The following SEPTIN14 variants were observed in gnomAD, a reference collection of about 807,000 sequenced individuals.
SEPTIN14 encodes the protein septin-14.
A neutral mutation model predicts 53.6 loss-of-function variants in SEPTIN14; 40 were observed. That is an observed-to-expected ratio of 0.75 (90% confidence interval 0.58 to 0.97). The LOEUF is 0.97. Among genes scored for constraint, SEPTIN14 ranks in the 50% least tolerant of loss-of-function variants. The pLI is 0.00. For synonymous variants in SEPTIN14, 138 were observed against 166.8 expected (o/e 0.83, Z 1.33); for missense variants, 471 against 508.2 (o/e 0.93, Z 0.70).
chr7:55,819,315 C>T lies in SEPTIN14; in HGVS notation c.721-92G>A, dbSNP rs761458827. ...TCCTGTTATAAAAATGACAGGCCAG[C>T]GCGGTGGCTCATGCCTGTAATCCCA... On this transcript the variant is annotated intron_variant, in intron 6 of 9. Coordinates refer to ENST00000388975, the MANE Select transcript of SEPTIN14 (RefSeq NM_207366.3). 5.6e-5 allele frequency: 53 copies of T among 947,960 alleles called. 1 individual carries two copies. Among genetic ancestry groups the T allele is most frequent in the African/African-American group, 1.8e-4 (11 of 61,196 alleles). 58.7% of individuals were successfully genotyped at this position (947,960 alleles called of 1,614,324 possible). A position where few individuals can be genotyped will look rare whatever the true frequency, so the allele number is the denominator to read the frequency against.
chr7:55,835,630 A>G (rs1187853478), intron 5 of SEPTIN14, among the ~76,000 whole-genome samples: 4 of 152,266 alleles, frequency 2.6e-5, no homozygotes, highest in Admixed American at 6.5e-5. Context: ...CCATCAATCA[A>G]TCTTAATTAA....
intron 2 of SEPTIN14, among the ~76,000 whole-genome samples, chr7:55,857,719 C>T (rs1367906506): frequency 1.3e-5 from 2 of 150,208 alleles, no homozygotes; most frequent in African/African-American, 4.9e-5. Context: ...TCCCGAGCAG[C>T]TGGGACTACA....
At chr7:55,798,659 G>A in intron 9 of SEPTIN14, 1 of 316,082 alleles carries the variant, frequency 3.2e-6, no homozygotes, top group South Asian at 2.9e-5. Flanking sequence ...AGCGGCACCA[G>A]GCTCTGGCAG....
chr7:55,839,597 A>C (rs1164129369), intron 5 of SEPTIN14, among the ~76,000 whole-genome samples: 4 of 152,164 alleles, frequency 2.6e-5, no homozygotes, highest in Non-Finnish European at 1.5e-5. Flanking sequence ...GTATGTATGC[A>C]TAGAAAAAAA....
At chr7:55,861,293 T>C (rs1584278373) in intron 2 of SEPTIN14, among the ~76,000 whole-genome samples, 1 of 151,226 alleles carries the variant, frequency 6.6e-6, no homozygotes, top group Non-Finnish European at 1.5e-5. Context: ...AGGTCAGGAG[T>C]TCGAGACCAG....
At position 55,852,139 on chromosome 7, in the gene SEPTIN14, CAA is replaced by C. The variant is rs61390006; in HGVS notation, c.55-5504_55-5503del. On this transcript the variant is annotated intron_variant, in intron 2 of 9. Coordinates refer to ENST00000388975, the MANE Select transcript of SEPTIN14 (RefSeq NM_207366.3). ...CCTGGGCAACAGAGTGAGACTCTGT[CAA>C]AAAAAAAAAAAAGAAGAAGAAAAGA... 2.4e-3 allele frequency among the ~76,000 whole-genome samples: 278 copies of C among 115,620 alleles called. 2 individuals are homozygous for C. Among genetic ancestry groups the C allele is most frequent in the Middle Eastern group, 0.014 (3 of 208 alleles). 75.9% of individuals were successfully genotyped at this position (115,620 alleles called of 152,430 possible).
At chr7:55,843,562 G>A (rs532260756) in intron 4 of SEPTIN14, among the ~76,000 whole-genome samples, 18 of 152,298 alleles carry the variant, frequency 1.2e-4, no homozygotes, top group African/African-American at 3.8e-4. Context: ...GGCCGGGCGC[G>A]GTGGCTCACG....
At chr7:55,819,824 A>G (rs925145280) in intron 6 of SEPTIN14, among the ~76,000 whole-genome samples, 1 of 152,102 alleles carries the variant, frequency 6.6e-6, no homozygotes, top group Non-Finnish European at 1.5e-5. Flanking sequence ...TTCTCACACT[A>G]TGTTTACCCT....
At chr7:55,810,545 G>A (rs577550024) in intron 7 of SEPTIN14, among the ~76,000 whole-genome samples, 1 of 149,148 alleles carries the variant, frequency 6.7e-6, no homozygotes, top group African/African-American at 2.5e-5. Flanking sequence ...CACGATCTTG[G>A]CTCACTGCAA....
chr7:55,834,487 T>C lies in SEPTIN14; in HGVS notation c.658A>G (p.Ile220Val). ...KIMSELISNGIQIYQLPTDEE... is the reference protein window; with the variant it reads ...KIMSELISNGVQIYQLPTDEE... The stretch of plus-strand genomic sequence containing the variant: ...TCTGTTGGGAGCTGATATATCTGGA[T>C]GCCATTGCTAATCAATTCACTCATT... Residue 220 changes from isoleucine to valine, a missense_variant, in exon 6 of 10, where the codon ATC (isoleucine) becomes GTC (valine). Ile to Val is a conservative substitution (Grantham distance 29). Transcript: ENST00000388975. The C allele has an allele frequency of 6.2e-7, 1 of 1,613,388 alleles. No homozygotes were observed.
intron 7 of SEPTIN14, among the ~76,000 whole-genome samples, chr7:55,808,457 G>GGGA (rs1788643352): frequency 6.6e-6 from 1 of 152,142 alleles, no homozygotes; most frequent in Middle Eastern, 3.2e-3. Context: ...TCCCACCAAT[G>GGGA]ATGTTTAAGA....
In SEPTIN14 at chr7:55,807,273, A is replaced by C. The variant is rs752053608; in HGVS notation, c.818-15T>G. On this transcript the variant is annotated splice_polypyrimidine_tract_variant and intron_variant, in intron 7 of 9. Transcript: ENST00000388975. The stretch of plus-strand genomic sequence containing the variant: ...TTCATTTTCCACTAGTAAAAAAATA[A>C]TAATGAATCAACAACATTCAGTATC... 8 of 1,535,284 alleles carry C rather than the reference A, an allele frequency of 5.2e-6. 1 individual carries two copies. The Middle Eastern group carries it at 1.0e-3, about 199-fold the overall frequency.
At chr7:55,796,904 C>T (rs1383834396) in intron 9 of SEPTIN14, among the ~76,000 whole-genome samples, 2 of 152,110 alleles carry the variant, frequency 1.3e-5, no homozygotes, top group Non-Finnish European at 2.9e-5. Flanking sequence ...GCAGGCAGAT[C>T]ACAAGGTCAG....
intron 7 of SEPTIN14, among the ~76,000 whole-genome samples, chr7:55,813,514 C>T (rs1788741247): frequency 6.6e-6 from 1 of 152,172 alleles, no homozygotes; most frequent in Non-Finnish European, 1.5e-5. Flanking sequence ...ATCACACCTC[C>T]CCCAACTCCA....
intron 8 of SEPTIN14, among the ~76,000 whole-genome samples, chr7:55,806,788 T>C (rs1252625223): frequency 6.6e-6 from 1 of 152,182 alleles, no homozygotes; most frequent in Non-Finnish European, 1.5e-5. Context: ...ATAATACAGA[T>C]ACATTTCATA....
intron 6 of SEPTIN14, among the ~76,000 whole-genome samples, chr7:55,826,161 C>A (rs1483347077): frequency 2.7e-5 from 4 of 150,776 alleles, no homozygotes; most frequent in African/African-American, 4.9e-5. Context: ...TTATTATTTT[C>A]TTTGCTTTTT....
chr7:55,819,155 G>A lies in SEPTIN14; in HGVS notation c.789C>T (p.Gly263=). Residue 263 remains glycine, a synonymous_variant, in exon 7 of 10, where the codon GGC becomes GGT. Coordinates refer to ENST00000388975, the MANE Select transcript of SEPTIN14 (RefSeq NM_207366.3). ...GCAAAACTCCCCAAGGGTAGTGACG[G>A]CCTCTGACCATCCTTTTTCCAACTT... is the stretch of plus-strand genomic sequence containing the variant. ...EVKVGKRMVR[G]RHYPWGVLQV... 1 of 1,585,692 alleles carries A rather than the reference G, an allele frequency of 6.3e-7. No individual in the cohort carries two copies. The highest frequency in any genetic ancestry group is 1.8e-5 in the Admixed American group (1 of 55,776).
chr7:55,836,381 A>T (rs1584265593), intron 5 of SEPTIN14, among the ~76,000 whole-genome samples: 1 of 152,354 alleles, frequency 6.6e-6, no homozygotes, highest in East Asian at 1.9e-4. Context: ...TAGTAGAAAT[A>T]CATAAATATA....
At chr7:55,840,382 A>G (rs1475152060) in intron 5 of SEPTIN14, among the ~76,000 whole-genome samples, 1 of 151,876 alleles carries the variant, frequency 6.6e-6, no homozygotes, top group Non-Finnish European at 1.5e-5. Context: ...CCAGCTACTC[A>G]GGAGGCTAAG....
Sources: gnomAD v4.1 joint callset for allele counts (sites outside exome capture counted in the v4.1 genomes callset) on GRCh38, gnomAD v4.1.1 for gene constraint, MANE v1.5 for transcripts, NCBI Gene and HGNC (gene_info 2026-07-23, HGNC 2026-07-21) for gene names.